EIF2B3: variants seen among roughly 807,000 people sequenced by gnomAD.
EIF2B3 encodes the protein eukaryotic translation initiation factor 2B subunit gamma.
EIF2B3 carries 20 observed loss-of-function variants against 54.1 expected under a neutral mutation model. The ratio of observed to expected loss-of-function variants is 0.37; its 90% CI spans 0.26 to 0.54. The LOEUF is 0.54. Ranked by LOEUF, EIF2B3 falls within the 20% of genes least tolerant of loss-of-function variation. EIF2B3 has a pLI of 0.86. For synonymous variants in EIF2B3, 153 were observed against 188.1 expected (o/e 0.81, Z 1.52); for missense variants, 448 against 547.8 (o/e 0.82, Z 1.82).
At chr1:44,976,689 A>G (rs192998913) in intron 3 of EIF2B3, among the ~76,000 whole-genome samples, 1 of 152,362 alleles carries the variant, frequency 6.6e-6, no homozygotes, top group East Asian at 1.9e-4. Context: ...AAATAGTAGT[A>G]TATTCATTCA....
At chr1:44,948,392 A>G (rs1644125701) in intron 3 of EIF2B3, among the ~76,000 whole-genome samples, 1 of 152,036 alleles carries the variant, frequency 6.6e-6, no homozygotes, top group African/African-American at 2.4e-5. Context: ...ATCTTCTTCC[A>G]GTCTCTTGGC....
intron 3 of EIF2B3, among the ~76,000 whole-genome samples, chr1:44,959,585 C>T (rs1467455889): frequency 3.3e-5 from 5 of 152,124 alleles, no homozygotes; most frequent in African/African-American, 4.8e-5. Context: ...CAGAATGTTT[C>T]CAGGTTCACC....
intron 1 of EIF2B3, among the ~76,000 whole-genome samples, chr1:44,983,812 T>G (rs1569900556): frequency 6.6e-6 from 1 of 152,120 alleles, no homozygotes; most frequent in East Asian, 1.9e-4. Context: ...GTTCAAGCGA[T>G]TCTCCTGCCT....
At chr1:44,950,415 G>A (rs1033650956) in intron 3 of EIF2B3, among the ~76,000 whole-genome samples, 4 of 151,940 alleles carry the variant, frequency 2.6e-5, no homozygotes, top group East Asian at 3.9e-4. Flanking sequence ...GAGTGAGATC[G>A]TGTTTCTAAA....
intron 3 of EIF2B3, among the ~76,000 whole-genome samples, chr1:44,976,326 G>A (rs1259038270): frequency 6.6e-6 from 1 of 152,002 alleles, no homozygotes; most frequent in East Asian, 1.9e-4. Context: ...TATATAAATG[G>A]CCAATAAACA....
chr1:44,977,826 G>A (rs1200822248), intron 3 of EIF2B3, among the ~76,000 whole-genome samples: 1 of 152,116 alleles, frequency 6.6e-6, no homozygotes, highest in East Asian at 1.9e-4. Flanking sequence ...GGAAACCAGT[G>A]ACTATGACAA....
intron 4 of EIF2B3, among the ~76,000 whole-genome samples, chr1:44,930,813 G>A (rs2148934805): frequency 6.6e-6 from 1 of 152,262 alleles, no homozygotes; most frequent in South Asian, 2.1e-4. Context: ...GCTAATTTTT[G>A]TATTTTTAGT....
At chr1:44,943,920 G>A (rs1331555402) in intron 3 of EIF2B3, among the ~76,000 whole-genome samples, 5 of 151,944 alleles carry the variant, frequency 3.3e-5, no homozygotes, top group South Asian at 2.1e-4. Flanking sequence ...CAAGGTGGGC[G>A]GAGTGCCTGA....
At chr1:44,967,974 G>T (rs546114052) in intron 3 of EIF2B3, among the ~76,000 whole-genome samples, 1 of 152,208 alleles carries the variant, frequency 6.6e-6, no homozygotes, top group African/African-American at 2.4e-5. Context: ...GGAGGTGGAG[G>T]TTGCAGTGAG....
chr1:44,878,272 C>CT (rs1189251220), intron 8 of EIF2B3, among the ~76,000 whole-genome samples: 3 of 151,846 alleles, frequency 2.0e-5, no homozygotes, highest in Admixed American at 1.3e-4. Context: ...TTTTCTTTTT[C>CT]TTTTTTTTGA....
intron 3 of EIF2B3, chr1:44,958,643 TC>T (rs1644252290): frequency 6.3e-7 from 1 of 1,578,746 alleles, no homozygotes. Flanking sequence ...CTGCCTGCTC[TC>T]ACATATTCTG....
rs1274015455 is a variant in EIF2B3, at chr1:44,881,972, G to A, written c.657-233C>T. On this transcript the variant is annotated intron_variant, in intron 6 of 11. Transcript: ENST00000360403. This position sits in a 1 kb window ranked among gnomAD's most constrained non-coding sequence, Gnocchi z 4.0. ...TCAGGAATCTGTACTAGGGGAAGAAGGGACCTGATCTTTAGTTCAGTGTGT... is the reference window on the plus strand; with the variant it reads ...TCAGGAATCTGTACTAGGGGAAGAAAGGACCTGATCTTTAGTTCAGTGTGT... Among the ~76,000 whole-genome samples, 2 of 152,148 alleles carry A rather than the reference G, an allele frequency of 1.3e-5. No individual in the cohort carries two copies. The highest frequency in any genetic ancestry group is 2.4e-5 in the African/African-American group (1 of 41,434).
At chr1:44,852,059 C>T (rs1047847032) in intron 11 of EIF2B3, among the ~76,000 whole-genome samples, 3 of 152,058 alleles carry the variant, frequency 2.0e-5, no homozygotes, top group African/African-American at 7.2e-5. Context: ...AGTGATTCTC[C>T]CGCCTCAGCC....
chr1:44,916,073 G>A (rs1015347030), intron 5 of EIF2B3, among the ~76,000 whole-genome samples: 1 of 152,008 alleles, frequency 6.6e-6, no homozygotes, highest in African/African-American at 2.4e-5. Flanking sequence ...ATATTTTTAT[G>A]TTGTCCAGGT....
In EIF2B3 at chr1:44,903,550, C is replaced by T. The variant is rs143147254; in HGVS notation, c.567-6106G>A. ...TCCCCAATATGCTCATTGTACAATG[C>T]TTAGTTCCTAGAAGGGTGGGTAGAA... On this transcript the variant is annotated intron_variant, in intron 5 of 11. Transcript: ENST00000360403. Among the ~76,000 whole-genome samples the T allele has an allele frequency of 1.3e-4, 20 of 152,284 alleles. No homozygotes were observed. The East Asian group carries it at 3.9e-3, about 29-fold the overall frequency.
At chr1:44,851,093 T>G in intron 11 of EIF2B3, 90 bp from the exon 12 acceptor site, 1 of 1,315,246 alleles carries the variant, frequency 7.6e-7, no homozygotes, top group Non-Finnish European at 1.1e-6. Context: ...AGACCGAGTT[T>G]CGCTCTTGTC....
intron 5 of EIF2B3, among the ~76,000 whole-genome samples, chr1:44,902,829 T>TA (rs11458839): frequency 0.091 from 7,789 of 85,232 alleles, 1,065 homozygotes; most frequent in East Asian, 0.22. Context: ...ACTCTTTCTT[T>TA]AAAAAAAAAA....
At chr1:44,948,938 G>A (rs1644133031) in intron 3 of EIF2B3, among the ~76,000 whole-genome samples, 1 of 151,968 alleles carries the variant, frequency 6.6e-6, no homozygotes, top group African/African-American at 2.4e-5. Flanking sequence ...CACGATCACG[G>A]CTCACTGCAA....
At chr1:44,956,769 G>A (rs1054211736) in intron 3 of EIF2B3, among the ~76,000 whole-genome samples, 10 of 152,182 alleles carry the variant, frequency 6.6e-5, no homozygotes, top group African/African-American at 2.4e-4. Context: ...TTGGAAAAAG[G>A]ATAAAATTAG....
Sources: allele counts gnomAD v4.1 joint callset (sites outside exome capture counted in the v4.1 genomes callset), GRCh38; gene constraint gnomAD v4.1.1; non-coding constraint Gnocchi (gnomAD v3.1); transcripts MANE v1.5; gene names NCBI Gene and HGNC (gene_info 2026-07-23, HGNC 2026-07-21).